Variants in PPP2R5E observed in about 807,000 individuals in gnomAD.
PPP2R5E encodes serine/threonine-protein phosphatase 2A 56 kDa regulatory subunit epsilon isoform.
Under a neutral mutation model 65.3 loss-of-function variants are expected in PPP2R5E, and 4 were observed. That is an observed-to-expected ratio of 0.06 (90% CI 0.03 to 0.14). The LOEUF (loss-of-function observed/expected upper bound fraction) is 0.14. PPP2R5E is among the 10% of genes least tolerant of loss of function. PPP2R5E has a pLI of 1.00. For missense variants in PPP2R5E, 274 were observed against 556.1 expected (o/e 0.49, Z 5.10); for synonymous variants, 183 against 187.4 (o/e 0.98, Z 0.19).
Position 63,494,126 on chromosome 14 carries a change from G to A in PPP2R5E, c.158-40241C>T, listed in dbSNP as rs552965333. Among the ~76,000 whole-genome samples the A allele has an allele frequency of 2.8e-4, 43 of 152,122 alleles. 1 individual carries two copies. Among genetic ancestry groups the A allele is most frequent in the Non-Finnish European group, 4.6e-4 (31 of 67,994 alleles). On this transcript the variant is annotated intron_variant, in intron 2 of 13. Transcript: ENST00000337537. The stretch of plus-strand genomic sequence containing the variant: ...ATGTCTTAAGTAGCTCCCCACCAGC[G>A]TTGTTTACAACAGCAGTAAAATAAA...
intron 4 of PPP2R5E, among the ~76,000 whole-genome samples, chr14:63,418,454 A>C (rs1258981206): frequency 6.6e-6 from 1 of 152,238 alleles, no homozygotes; most frequent in Admixed American, 6.5e-5. Context: ...CTTAAGAGAA[A>C]GATTCTACGT....
intron 1 of PPP2R5E, among the ~76,000 whole-genome samples, chr14:63,540,600 G>A (rs1461207949): frequency 1.3e-5 from 2 of 150,976 alleles, no homozygotes; most frequent in Non-Finnish European, 2.9e-5. Context: ...GCGCATGCCT[G>A]TAATCCCAGC....
intron 3 of PPP2R5E, among the ~76,000 whole-genome samples, chr14:63,430,757 A>G (rs1418411335): frequency 6.6e-6 from 1 of 152,240 alleles, no homozygotes; most frequent in Non-Finnish European, 1.5e-5. Flanking sequence ...GTAAGCTTTC[A>G]ATTACCGCTT....
rs1402372223 is a variant in PPP2R5E, at chr14:63,430,373, G to GCATACATACATACATA, written c.355-8280_355-8279insTATGTATGTATGTATG. 4.3e-3 allele frequency among the ~76,000 whole-genome samples: 546 copies of GCATACATACATACATA among 126,618 alleles called. 4 individuals are homozygous for GCATACATACATACATA. Among genetic ancestry groups the GCATACATACATACATA allele is most frequent in the African/African-American group, 0.013 (421 of 31,440 alleles). The allele number at this position is 126,618 out of a possible 152,430, so 83.1% of individuals were successfully genotyped here. Reference sequence around the variant, plus strand: ...TACATACATACATACATACATACATGCATGCATACATACATACATACATAC... The same window carrying GCATACATACATACATA: ...TACATACATACATACATACATACATGCATACATACATACATACATGCATACATACATACATACATAC... On this transcript the variant is annotated intron_variant, in intron 3 of 13. Coordinates refer to ENST00000337537, the MANE Select transcript of PPP2R5E (RefSeq NM_006246.5).
intron 13 of PPP2R5E, among the ~76,000 whole-genome samples, chr14:63,378,432 A>G (rs929227316): frequency 3.9e-5 from 6 of 152,322 alleles, no homozygotes; most frequent in Middle Eastern, 3.4e-3. Flanking sequence ...CTAGGCATAA[A>G]TTGGTTAATT....
chr14:63,426,546 A>G (rs1887343613), intron 3 of PPP2R5E, among the ~76,000 whole-genome samples: 1 of 152,164 alleles, frequency 6.6e-6, no homozygotes, highest in Non-Finnish European at 1.5e-5. Flanking sequence ...ACTATGAATG[A>G]TAAACACAGT....
chr14:63,431,763 G>A (rs540617091), intron 3 of PPP2R5E, among the ~76,000 whole-genome samples: 3 of 152,182 alleles, frequency 2.0e-5, no homozygotes, highest in East Asian at 3.9e-4. Context: ...CTAGAAATCC[G>A]GAAGAGGATT....
At chr14:63,485,540 G>A (rs8022113) in intron 2 of PPP2R5E, among the ~76,000 whole-genome samples, 23,641 of 151,468 alleles carry the variant, frequency 0.16, 1,861 homozygotes, top group East Asian at 0.21. Flanking sequence ...TCGGCCTCCC[G>A]AGTAGCTGGG....
intron 2 of PPP2R5E, among the ~76,000 whole-genome samples, chr14:63,501,395 A>G (rs1244228753): frequency 1.4e-5 from 2 of 144,500 alleles, no homozygotes; most frequent in Non-Finnish European, 3.0e-5. Context: ...ACAGAGCAAG[A>G]CTCCGTCTCA....
At chr14:63,420,187 T>C (rs1210619011) in intron 4 of PPP2R5E, among the ~76,000 whole-genome samples, 1 of 152,152 alleles carries the variant, frequency 6.6e-6, no homozygotes, top group Non-Finnish European at 1.5e-5. Flanking sequence ...TGCTGAGGCT[T>C]TGAAGACATC....
In PPP2R5E at chr14:63,539,667, T is replaced by G. The variant is rs746635308; in HGVS notation, c.19A>C (p.Thr7Pro). The G allele has an allele frequency of 5.6e-6, 9 of 1,613,578 alleles. No homozygotes were observed. In the South Asian group the frequency reaches 7.7e-5, roughly 14 times the overall value. Residue 7 changes from threonine to proline, a missense_variant, in exon 2 of 14, where the codon ACT (threonine) becomes CCT (proline). Thr to Pro is a conservative substitution (Grantham distance 38). This residue lies in a region of PPP2R5E where 58 missense variants were observed against 64.8 expected (regional missense o/e 0.90). Transcript: ENST00000337537. MSSAPTTPPSVDKVDGF... is the reference protein window; with the variant it reads MSSAPTPPPSVDKVDGF... ...TCTACTTTATCCACTGATGGAGGAG[T>G]AGTTGGTGCTGAGGACATATCCCTA... is the stretch of plus-strand genomic sequence containing the variant.
intron 3 of PPP2R5E, among the ~76,000 whole-genome samples, chr14:63,431,160 C>T (rs771689388): frequency 4.1e-4 from 62 of 151,778 alleles, no homozygotes; most frequent in Non-Finnish European, 7.7e-4. Context: ...CCCAGCTACT[C>T]GGGAGACTGA....
chr14:63,435,116 T>C (rs759689540), intron 3 of PPP2R5E, among the ~76,000 whole-genome samples: 58 of 152,202 alleles, frequency 3.8e-4, no homozygotes, highest in Non-Finnish European at 5.3e-4. Flanking sequence ...GGGAATTTTC[T>C]GGGGAGATGA....
Position 63,376,744 on chromosome 14 carries a change from A to G in PPP2R5E, c.1305-636T>C, listed in dbSNP as rs565901235. Among the ~76,000 whole-genome samples the G allele has an allele frequency of 1.7e-3, 266 of 152,360 alleles. 2 individuals carry two copies. Among genetic ancestry groups the G allele is most frequent in the Middle Eastern group, 3.4e-3 (1 of 294 alleles). ...CATTTTTACAAAAAAAGGATTTTTA[A>G]CATCAACCAAGTAGGAAGTACATGA... On this transcript the variant is annotated intron_variant, in intron 13 of 13. Coordinates refer to ENST00000337537, the MANE Select transcript of PPP2R5E (RefSeq NM_006246.5).
intron 13 of PPP2R5E, among the ~76,000 whole-genome samples, chr14:63,377,704 C>T (rs1303106592): frequency 6.6e-6 from 1 of 152,128 alleles, no homozygotes; most frequent in Non-Finnish European, 1.5e-5. Context: ...TAATTAGTTT[C>T]AGCTATCTCA....
chr14:63,480,268 G>A lies in PPP2R5E; in HGVS notation c.158-26383C>T, dbSNP rs536945686. On this transcript the variant is annotated intron_variant, in intron 2 of 13. Coordinates refer to ENST00000337537, the MANE Select transcript of PPP2R5E (RefSeq NM_006246.5). ...AGGCCAGGAGTTCAGGACCAGCCTG[G>A]CCAACATGGTGAAACTCTGTCTCTA... Among the ~76,000 whole-genome samples the A allele has an allele frequency of 1.6e-4, 24 of 152,150 alleles. No individual in the cohort carries two copies. The South Asian group carries it at 4.6e-3, about 29-fold the overall frequency.
intron 2 of PPP2R5E, among the ~76,000 whole-genome samples, chr14:63,459,281 G>C (rs1016127357): frequency 2.6e-5 from 4 of 152,112 alleles, no homozygotes; most frequent in African/African-American, 9.7e-5. Flanking sequence ...CCAAATCATT[G>C]CTATCAATTT....
At chr14:63,496,939 A>AG (rs1891601084) in intron 2 of PPP2R5E, among the ~76,000 whole-genome samples, 1 of 151,700 alleles carries the variant, frequency 6.6e-6, no homozygotes, top group Non-Finnish European at 1.5e-5. Flanking sequence ...TAAAATACAC[A>AG]GGCAGAGACA....
intron 8 of PPP2R5E, among the ~76,000 whole-genome samples, chr14:63,392,427 G>A (rs1885078365): frequency 6.6e-6 from 1 of 152,122 alleles, no homozygotes; most frequent in African/African-American, 2.4e-5. Flanking sequence ...GTCCTCTATG[G>A]GAAGTAAGCA....
Sources: allele counts gnomAD v4.1 joint callset (sites outside exome capture counted in the v4.1 genomes callset), GRCh38; gene constraint gnomAD v4.1.1; regional missense constraint gnomAD v4.1.1; transcripts MANE v1.5; gene names NCBI Gene and HGNC (gene_info 2026-07-23, HGNC 2026-07-21).